SPICE1: variants seen among roughly 807,000 people sequenced by gnomAD.
SPICE1 encodes spindle and centriole-associated protein 1.
Under a neutral mutation model 102.7 loss-of-function variants are expected in SPICE1, and 75 were observed. That is an observed-to-expected ratio of 0.73 (90% CI 0.61 to 0.88). The LOEUF is 0.88. SPICE1 is among the 40% of genes least tolerant of loss of function. The probability of loss-of-function intolerance (pLI) is 0.00; values close to 1 mark genes in which losing one functional copy is unlikely to be tolerated. For missense variants in SPICE1, 979 were observed against 1,020.1 expected, an observed-to-expected ratio of 0.96 and a Z score of 0.55; for synonymous variants, 308 against 350.3, an observed-to-expected ratio of 0.88 and a Z score of 1.35.
At chr3:113,490,134 A>G (rs2107491853) in intron 6 of SPICE1, among the ~76,000 whole-genome samples, 1 of 152,288 alleles carries the variant, frequency 6.6e-6, no homozygotes, top group East Asian at 1.9e-4. Flanking sequence ...AAATCTAGCA[A>G]CCACAACTAG....
intron 4 of SPICE1, 127 bp downstream of exon 4, chr3:113,499,312 A>G (rs1255691633): frequency 9.4e-7 from 1 of 1,060,060 alleles, no homozygotes; most frequent in African/African-American, 1.6e-5. Context: ...TGAAGTCCAC[A>G]TGTAGATTAT....
At chr3:113,450,664 C>T (rs1304094716) in intron 14 of SPICE1, 148 bp from the exon 15 acceptor site, 5 of 752,720 alleles carry the variant, frequency 6.6e-6, no homozygotes, top group African/African-American at 5.3e-5. Flanking sequence ...GCAACATCTG[C>T]CTCCCGGGTT....
intron 9 of SPICE1, 33 bp from the exon 10 acceptor site, chr3:113,468,437 C>T (rs753901750): frequency 6.3e-7 from 1 of 1,590,808 alleles, no homozygotes; most frequent in East Asian, 2.2e-5. Context: ...TATTTTAAGA[C>T]CAGGAAAAAT....
At chr3:113,498,025 C>G (rs1278479765) in intron 4 of SPICE1, among the ~76,000 whole-genome samples, 1 of 152,000 alleles carries the variant, frequency 6.6e-6, no homozygotes, top group Non-Finnish European at 1.5e-5. Context: ...TACAGGCACC[C>G]GCCATCATGC....
intron 11 of SPICE1, among the ~76,000 whole-genome samples, chr3:113,462,653 A>C (rs1346959114): frequency 3.3e-5 from 5 of 152,222 alleles, no homozygotes; most frequent in Admixed American, 3.3e-4. Flanking sequence ...ACTTTTTCTC[A>C]AACAGCCCCT....
At chr3:113,453,328 G>A (rs1935700711) in intron 14 of SPICE1, 138 bp downstream of exon 14, 2 of 951,164 alleles carry the variant, frequency 2.1e-6, no homozygotes, top group South Asian at 3.4e-5. Context: ...CTATTGTATT[G>A]AGGACATGCC....
At chr3:113,501,021 C>T (rs62266004) in intron 3 of SPICE1, among the ~76,000 whole-genome samples, 50 of 151,928 alleles carry the variant, frequency 3.3e-4, no homozygotes, top group Non-Finnish European at 5.7e-4. Flanking sequence ...TACTATAAAA[C>T]GACAGTAATC....
intron 1 of SPICE1, among the ~76,000 whole-genome samples, chr3:113,507,445 T>G (rs1042785905): frequency 1.3e-5 from 2 of 152,116 alleles, no homozygotes; most frequent in Non-Finnish European, 1.5e-5. Flanking sequence ...TTACTCCCAA[T>G]TAGTCTAAAA....
intron 1 of SPICE1, among the ~76,000 whole-genome samples, chr3:113,511,751 C>T (rs980072141): frequency 1.3e-5 from 2 of 151,902 alleles, no homozygotes; most frequent in South Asian, 2.1e-4. Flanking sequence ...ACATACCGCA[C>T]GTGTACCCTA....
At chr3:113,484,137 C>T (rs1435504748) in intron 7 of SPICE1, among the ~76,000 whole-genome samples, 1 of 152,176 alleles carries the variant, frequency 6.6e-6, no homozygotes, top group East Asian at 1.9e-4. Flanking sequence ...TTATCCATTT[C>T]TTCTAGATTT....
intron 1 of SPICE1, 109 bp from the exon 2 acceptor site, chr3:113,506,714 GA>G: frequency 1.3e-6 from 1 of 797,432 alleles, no homozygotes; most frequent in Non-Finnish European, 2.0e-6. Flanking sequence ...AATGCCAGAA[GA>G]AAAATTTAAG....
At position 113,446,623 on chromosome 3, in the gene SPICE1, C is replaced by T. The variant is rs1194968465; in HGVS notation, c.2480G>A (p.Ser827Asn). 2 of 1,613,756 alleles carry T rather than the reference C, an allele frequency of 1.2e-6. No homozygotes were observed. The highest frequency in any genetic ancestry group is 3.3e-5 in the Admixed American group (2 of 59,986). ...TGGATTAAGAGGTGTGAATCTCCCA[C>T]TTCCTGAGGTGGCATTTAGTGGAGA... ...SCSPLNATSG[S>N]GRFTPLNPRA... The change falls in exon 17 of 18, where the codon AGT (serine) becomes AAT (asparagine). Residue 827 changes from serine (S) to asparagine (N), a missense_variant. Transcript: ENST00000295872.
chr3:113,480,478 C>T (rs553976237), intron 7 of SPICE1, among the ~76,000 whole-genome samples: 1 of 152,170 alleles, frequency 6.6e-6, no homozygotes, highest in East Asian at 1.9e-4. Flanking sequence ...AACAAACAAC[C>T]TCCAATACTC....
intron 1 of SPICE1, among the ~76,000 whole-genome samples, chr3:113,509,172 G>A (rs7613546): frequency 0.21 from 32,130 of 151,870 alleles, 3,661 homozygotes; most frequent in African/African-American, 0.3. Context: ...TGTTAGTTGC[G>A]CAATTATGTG....
intron 1 of SPICE1, 42 bp downstream of exon 1, chr3:113,514,855 C>T: frequency 8.1e-7 from 1 of 1,229,140 alleles, no homozygotes; most frequent in Non-Finnish European, 1.0e-6. Flanking sequence ...GGTGCTCTGG[C>T]GCCACGCACA....
At chr3:113,498,529 G>T (rs1366835965) in intron 4 of SPICE1, among the ~76,000 whole-genome samples, 4 of 152,116 alleles carry the variant, frequency 2.6e-5, no homozygotes, top group African/African-American at 9.7e-5. Context: ...ATCACCAAAA[G>T]ATACTTACCT....
intron 2 of SPICE1, among the ~76,000 whole-genome samples, chr3:113,504,571 CAAAAAAA>C (rs71633321): frequency 6.0e-4 from 41 of 67,840 alleles, no homozygotes; most frequent in Non-Finnish European, 7.9e-4. Flanking sequence ...GACCTTGTCT[CAAAAAAA>C]AAAAAAAAAA....
chr3:113,506,468 G>A (rs1382067987), intron 2 of SPICE1, 39 bp downstream of exon 2: 2 of 1,499,344 alleles, frequency 1.3e-6, no homozygotes, highest in Non-Finnish European at 1.9e-6. Context: ...CATTTCTCCA[G>A]AGTAATGTTA....
Position 113,468,393 on chromosome 3 carries a change from G to A in SPICE1, c.901C>T (p.Pro301Ser), listed in dbSNP as rs1180432200. Residue 301 changes from proline (P) to serine (S), a missense_variant, in exon 10 of 18, where the codon CCG becomes TCG. Physicochemically the swap from Pro to Ser is moderately conservative, Grantham distance 74. Coordinates refer to ENST00000295872, the MANE Select transcript of SPICE1 (RefSeq NM_144718.4). The part of the protein sequence containing the change: ...KQLLNKVKRK[P>S]NLHALSKPKK... ...GGCTTGGAAAGAGCATGCAAATTCG[G>A]TTTCCTTTTCACTGATAATGAGAGA... 2 of 1,612,826 alleles carry A rather than the reference G, an allele frequency of 1.2e-6. No individual in the cohort carries two copies. The highest frequency in any genetic ancestry group is 1.7e-6 in the Non-Finnish European group (2 of 1,179,082).
Sources: gnomAD v4.1 joint callset for allele counts (sites outside exome capture counted in the v4.1 genomes callset) on GRCh38, gnomAD v4.1.1 for gene constraint, MANE v1.5 for transcripts, NCBI Gene and HGNC (gene_info 2026-07-23, HGNC 2026-07-21) for gene names.